Variants in L3MBTL4 observed in about 807,000 individuals in gnomAD.
L3MBTL4 encodes the protein lethal(3)malignant brain tumor-like protein 4.
L3MBTL4 carries 70 observed loss-of-function variants against 84.5 expected under a neutral mutation model. That is an observed-to-expected ratio of 0.83 (90% CI 0.68 to 1.01). The LOEUF is 1.01. Ranked by LOEUF, L3MBTL4 falls within the 50% of genes least tolerant of loss-of-function variation. The probability of loss-of-function intolerance (pLI) is 0.00; values close to 1 mark genes in which losing one functional copy is unlikely to be tolerated. For missense variants in L3MBTL4, 715 were observed against 754.8 expected (o/e 0.95, Z 0.62); for synonymous variants, 274 against 259.8 (o/e 1.05, Z -0.52).
intron 16 of L3MBTL4, among the ~76,000 whole-genome samples, chr18:6,062,776 G>A (rs1021560440): frequency 2.6e-5 from 4 of 151,646 alleles, no homozygotes; most frequent in African/African-American, 4.8e-5. Context: ...TAACGAGCCC[G>A]TCAAAGGCAT....
chr18:6,306,494 G>A (rs569222190), intron 3 of L3MBTL4, among the ~76,000 whole-genome samples: 41 of 152,188 alleles, frequency 2.7e-4, no homozygotes, highest in Non-Finnish European at 4.9e-4. Flanking sequence ...GCAACAAAAT[G>A]TAAAGAATTA....
chr18:6,052,883 A>C (rs553012904), intron 16 of L3MBTL4, among the ~76,000 whole-genome samples: 2 of 152,366 alleles, frequency 1.3e-5, no homozygotes, highest in East Asian at 3.9e-4. Context: ...TGCTATACAA[A>C]TGGAGTGCTG....
intron 4 of L3MBTL4, among the ~76,000 whole-genome samples, chr18:6,266,564 T>A (rs2048642715): frequency 6.6e-6 from 1 of 152,144 alleles, no homozygotes; most frequent in African/African-American, 2.4e-5. Flanking sequence ...AATACAACAA[T>A]GTGACTGAAT....
chr18:6,349,868 C>G (rs1200241090), intron 1 of L3MBTL4, among the ~76,000 whole-genome samples: 1 of 152,094 alleles, frequency 6.6e-6, no homozygotes, highest in Non-Finnish European at 1.5e-5. Context: ...CTTCTAGGGT[C>G]CTACTAATGT....
chr18:6,373,758 C>T (rs1317674592), intron 1 of L3MBTL4, among the ~76,000 whole-genome samples: 1 of 151,560 alleles, frequency 6.6e-6, no homozygotes, highest in African/African-American at 2.4e-5. Context: ...TCAGATCTGC[C>T]CAAATGTCAA....
At chr18:6,172,048 T>C (rs939393339) in intron 12 of L3MBTL4, 106 bp from the exon 13 acceptor site, 37 of 567,734 alleles carry the variant, frequency 6.5e-5, no homozygotes, top group Admixed American at 5.5e-4. Flanking sequence ...TGAAATTTTA[T>C]TGATCACACC....
intron 16 of L3MBTL4, among the ~76,000 whole-genome samples, chr18:6,026,473 A>C (rs764023122): frequency 2.6e-5 from 4 of 152,256 alleles, no homozygotes; most frequent in Non-Finnish European, 5.9e-5. Flanking sequence ...AGTGGTAGAC[A>C]ATAAGCTGTG....
chr18:6,264,588 C>T (rs547343520), intron 4 of L3MBTL4, among the ~76,000 whole-genome samples: 4 of 151,978 alleles, frequency 2.6e-5, no homozygotes, highest in Admixed American at 2.0e-4. Context: ...GTTTGAGACC[C>T]GCCTGGCCAA....
At chr18:5,981,956 C>G (rs192951368) in intron 16 of L3MBTL4, among the ~76,000 whole-genome samples, 61 of 133,214 alleles carry the variant, frequency 4.6e-4, no homozygotes, top group Admixed American at 2.3e-3. Context: ...GTCAAAGGAA[C>G]AAAAAGGTTT....
chr18:6,111,398 A>T (rs936224597), intron 14 of L3MBTL4, among the ~76,000 whole-genome samples: 1 of 152,224 alleles, frequency 6.6e-6, no homozygotes, highest in South Asian at 2.1e-4. Context: ...AGGATTTTTT[A>T]AAACAATTAT....
intron 16 of L3MBTL4, among the ~76,000 whole-genome samples, chr18:6,051,805 C>T (rs1231114716): frequency 1.3e-5 from 2 of 151,992 alleles, no homozygotes; most frequent in Admixed American, 6.5e-5. Context: ...ACCCCGGCAC[C>T]GTAAGAGCCT....
At chr18:5,960,526 A>G (rs35639201) in intron 17 of L3MBTL4, 56,854 of 154,174 alleles carry the variant, frequency 0.37, 10,723 homozygotes, top group East Asian at 0.5. Context: ...CATTAGGAGT[A>G]AGGACCTGCT....
intron 16 of L3MBTL4, among the ~76,000 whole-genome samples, chr18:6,034,521 C>T (rs1449177181): frequency 1.3e-5 from 2 of 152,178 alleles, no homozygotes; most frequent in East Asian, 1.9e-4. Context: ...TGTATATGTG[C>T]CACATTTTCT....
chr18:6,015,833 A>G (rs963326454), intron 16 of L3MBTL4, among the ~76,000 whole-genome samples: 2 of 152,096 alleles, frequency 1.3e-5, no homozygotes, highest in African/African-American at 4.8e-5. Context: ...GATGGCATGC[A>G]CCTGTAGTCC....
chr18:6,378,930 A>T (rs542229729), intron 1 of L3MBTL4, among the ~76,000 whole-genome samples: 1 of 152,214 alleles, frequency 6.6e-6, no homozygotes, highest in South Asian at 2.1e-4. Flanking sequence ...TTTTCACGGT[A>T]TTGATTCTTC....
chr18:6,320,599 A>G (rs543823099), intron 1 of L3MBTL4, among the ~76,000 whole-genome samples: 2 of 152,264 alleles, frequency 1.3e-5, no homozygotes, highest in African/African-American at 4.8e-5. Flanking sequence ...ATCACAGATG[A>G]CACAAATGGA....
intron 11 of L3MBTL4, 27 bp downstream of exon 11, chr18:6,215,723 G>GA: frequency 7.4e-7 from 1 of 1,359,074 alleles, no homozygotes; most frequent in Non-Finnish European, 1.0e-6. Context: ...GTTTAAAGGT[G>GA]AGAGTTTGTA....
intron 17 of L3MBTL4, among the ~76,000 whole-genome samples, chr18:5,966,109 A>C (rs1389576635): frequency 6.6e-6 from 1 of 152,184 alleles, no homozygotes; most frequent in South Asian, 2.1e-4. Context: ...TCTCTGTCCT[A>C]ATGACACTTT....
chr18:5,977,689 A>G (rs1381015263), intron 16 of L3MBTL4, among the ~76,000 whole-genome samples: 6 of 152,198 alleles, frequency 3.9e-5, no homozygotes, highest in Non-Finnish European at 7.4e-5. Context: ...CTATTCCAAC[A>G]AGCACTTTTT....
Sources: gnomAD v4.1 joint callset for allele counts (sites outside exome capture counted in the v4.1 genomes callset) on GRCh38, gnomAD v4.1.1 for gene constraint, MANE v1.5 for transcripts, NCBI Gene and HGNC (gene_info 2026-07-23, HGNC 2026-07-21) for gene names.